The following RIMS1 variants were observed in gnomAD, a reference collection of about 807,000 sequenced individuals.
The protein encoded by RIMS1 is regulating synaptic membrane exocytosis protein 1.
A neutral mutation model predicts 214.1 loss-of-function variants in RIMS1; 83 were observed. The observed-to-expected ratio is 0.39, with a 90% CI of 0.32 to 0.47. The LOEUF (loss-of-function observed/expected upper bound fraction) is 0.47, where lower values mean the gene tolerates loss of function less well. Ranked by LOEUF, RIMS1 falls within the 20% of genes least tolerant of loss-of-function variation. The pLI, the probability that RIMS1 is intolerant of heterozygous loss-of-function variation, is 0.99. For missense variants in RIMS1, 2,050 were observed against 2,161.8 expected, an observed-to-expected ratio of 0.95 and a Z score of 1.03; for synonymous variants, 793 against 786.8, an observed-to-expected ratio of 1.01 and a Z score of -0.13.
At chr6:72,253,839 T>C (rs1422166424) in intron 16 of RIMS1, among the ~76,000 whole-genome samples, 1 of 152,088 alleles carries the variant, frequency 6.6e-6, no homozygotes, top group African/African-American at 2.4e-5. Flanking sequence ...ATTTGTTCCC[T>C]ATAATTCAGA....
intron 2 of RIMS1, among the ~76,000 whole-genome samples, chr6:72,094,934 AATT>A (rs1026137097): frequency 1.3e-5 from 2 of 150,360 alleles, no homozygotes; most frequent in East Asian, 3.9e-4. Context: ...CTTATTACTT[AATT>A]ATTATTATTA....
chr6:71,891,032 T>C (rs1562129359), intron 1 of RIMS1, among the ~76,000 whole-genome samples: 1 of 152,248 alleles, frequency 6.6e-6, no homozygotes, highest in Non-Finnish European at 1.5e-5. Flanking sequence ...TTATATTTTC[T>C]TTAAATGAAT....
At chr6:72,023,569 C>G (rs114841450) in intron 2 of RIMS1, among the ~76,000 whole-genome samples, 1,952 of 151,976 alleles carry the variant, frequency 0.013, 37 homozygotes, top group African/African-American at 0.044. Flanking sequence ...GAAAAACTTT[C>G]AGTAAGTATG....
chr6:72,304,672 G>A (rs146347703), intron 26 of RIMS1, among the ~76,000 whole-genome samples: 2 of 151,892 alleles, frequency 1.3e-5, no homozygotes, highest in South Asian at 2.1e-4. Context: ...GTTTTTCAGC[G>A]ATTATGAAAA....
intron 4 of RIMS1, among the ~76,000 whole-genome samples, chr6:72,161,047 A>T (rs2045325423): frequency 7.2e-6 from 1 of 139,496 alleles, no homozygotes; most frequent in African/African-American, 2.5e-5. Context: ...GCAATTAATT[A>T]TTGCCTCAAT....
At chr6:72,377,486 G>A (rs1451846203) in intron 29 of RIMS1, among the ~76,000 whole-genome samples, 2 of 152,114 alleles carry the variant, frequency 1.3e-5, no homozygotes, top group African/African-American at 4.8e-5. Context: ...CCCCCTCTTG[G>A]TCTATGGGAC....
At chr6:72,038,367 C>G (rs938314550) in intron 2 of RIMS1, among the ~76,000 whole-genome samples, 1 of 151,506 alleles carries the variant, frequency 6.6e-6, no homozygotes, top group Non-Finnish European at 1.5e-5. Flanking sequence ...CAAAGCCATA[C>G]AAAAGATAGT....
At chr6:72,025,675 G>A (rs185111624) in intron 2 of RIMS1, among the ~76,000 whole-genome samples, 121 of 152,188 alleles carry the variant, frequency 8.0e-4, no homozygotes, top group Middle Eastern at 6.8e-3. Flanking sequence ...TGCTTCACTC[G>A]CATAAATTAC....
intron 2 of RIMS1, among the ~76,000 whole-genome samples, chr6:71,981,380 C>T (rs1798440540): frequency 1.3e-5 from 2 of 152,096 alleles, no homozygotes; most frequent in South Asian, 2.1e-4. Context: ...TTCATTTTAA[C>T]TATTCAGGTC....
chr6:71,960,107 A>T (rs763342009), intron 1 of RIMS1, among the ~76,000 whole-genome samples: 1 of 152,052 alleles, frequency 6.6e-6, no homozygotes, highest in Non-Finnish European at 1.5e-5. Flanking sequence ...GTTTTACTGA[A>T]TTTATTTTTT....
At chr6:72,095,891 A>G (rs2031461601) in intron 2 of RIMS1, among the ~76,000 whole-genome samples, 1 of 152,254 alleles carries the variant, frequency 6.6e-6, no homozygotes, top group Admixed American at 6.5e-5. Flanking sequence ...GAATTTGAGC[A>G]GGAGTCCCTC....
intron 2 of RIMS1, among the ~76,000 whole-genome samples, chr6:72,077,379 T>C (rs1039039851): frequency 1.3e-5 from 2 of 152,232 alleles, no homozygotes; most frequent in African/African-American, 4.8e-5. Flanking sequence ...TGTTCATGTT[T>C]ATATCACCAG....
intron 4 of RIMS1, among the ~76,000 whole-genome samples, chr6:72,110,827 T>C (rs908517771): frequency 8.5e-5 from 13 of 152,148 alleles, no homozygotes; most frequent in Non-Finnish European, 1.5e-4. Flanking sequence ...CAGTATGATA[T>C]TGGCTGTGGA....
At chr6:71,928,521 T>G (rs1562214377) in intron 1 of RIMS1, among the ~76,000 whole-genome samples, 1 of 152,158 alleles carries the variant, frequency 6.6e-6, no homozygotes, top group Non-Finnish European at 1.5e-5. Context: ...TATTAATTAC[T>G]GAGTTTTGGA....
intron 29 of RIMS1, among the ~76,000 whole-genome samples, chr6:72,355,562 T>C (rs977043285): frequency 1.3e-5 from 2 of 152,100 alleles, no homozygotes; most frequent in Non-Finnish European, 2.9e-5. Context: ...TAAAGATGGG[T>C]GAAAACACCT....
chr6:72,342,653 GTGT>G (rs1448218868), intron 29 of RIMS1, among the ~76,000 whole-genome samples: 2 of 151,506 alleles, frequency 1.3e-5, no homozygotes, highest in Middle Eastern at 3.2e-3. Flanking sequence ...GTGTGTGTGT[GTGT>G]GGGCATGCAT....
chr6:71,984,781 C>A (rs78412289), intron 2 of RIMS1, among the ~76,000 whole-genome samples: 2,516 of 65,634 alleles, frequency 0.038, 98 homozygotes, highest in East Asian at 0.24. Flanking sequence ...ACATATCTAT[C>A]TATCTATCTA....
At chr6:72,081,278 G>A (rs372581743) in intron 2 of RIMS1, among the ~76,000 whole-genome samples, 86 of 152,268 alleles carry the variant, frequency 5.6e-4, no homozygotes, top group African/African-American at 1.9e-3. Flanking sequence ...GTATAGCAAA[G>A]TGTTTTCATT....
chr6:71,973,099 A>G (rs1031327826), intron 2 of RIMS1, among the ~76,000 whole-genome samples: 5 of 152,116 alleles, frequency 3.3e-5, no homozygotes, highest in Non-Finnish European at 7.4e-5. Context: ...TAGTAGAGAC[A>G]GGGTTTCACC....
Sources: allele counts gnomAD v4.1 joint callset (sites outside exome capture counted in the v4.1 genomes callset), GRCh38; gene constraint gnomAD v4.1.1; transcripts MANE v1.5; gene names NCBI Gene and HGNC (gene_info 2026-07-23, HGNC 2026-07-21).